The following PDZD2 variants were observed in gnomAD, a reference collection of about 807,000 sequenced individuals.
PDZD2 encodes the protein PDZ domain-containing protein 2.
Under a neutral mutation model 220.7 loss-of-function variants are expected in PDZD2, and 90 were observed. That is an observed-to-expected ratio of 0.41 (90% CI 0.34 to 0.49). The LOEUF (loss-of-function observed/expected upper bound fraction) is 0.49, where lower values mean the gene tolerates loss of function less well. Ranked by LOEUF, PDZD2 falls within the 20% of genes least tolerant of loss-of-function variation. The probability of loss-of-function intolerance (pLI) is 0.28; values close to 1 mark genes in which losing one functional copy is unlikely to be tolerated. For missense variants in PDZD2, 3,174 were observed against 3,608.5 expected, an observed-to-expected ratio of 0.88 and a Z score of 3.08; for synonymous variants, 1,375 against 1,450.5, an observed-to-expected ratio of 0.95 and a Z score of 1.18.
intron 1 of PDZD2, among the ~76,000 whole-genome samples, chr5:31,706,577 G>A (rs1392651765): frequency 2.6e-5 from 4 of 152,118 alleles, no homozygotes; most frequent in African/African-American, 9.7e-5. Flanking sequence ...CGGATGCAGT[G>A]GCTCACACCT....
chr5:31,817,068 C>A (rs563630125), intron 2 of PDZD2, among the ~76,000 whole-genome samples: 1 of 152,000 alleles, frequency 6.6e-6, no homozygotes, highest in Non-Finnish European at 1.5e-5. Context: ...TGCCTGTAGT[C>A]CCAGCTACTC....
At chr5:31,823,217 AG>A (rs1256436215) in intron 2 of PDZD2, 2 of 356,836 alleles carry the variant, frequency 5.6e-6, no homozygotes, top group Non-Finnish European at 1.1e-5. Flanking sequence ...CTGTAATCCC[AG>A]CACTTTGGGA....
At position 31,732,847 on chromosome 5, in the gene PDZD2, G is replaced by A. The variant is rs1315607987; in HGVS notation, c.-360-66042G>A. Among the ~76,000 whole-genome samples the A allele has an allele frequency of 2.0e-5, 3 of 152,224 alleles. No homozygotes were observed. In the East Asian group the frequency reaches 5.8e-4, roughly 29 times the overall value. ...AGGTTCAAGCAATTCTCCTGCCTTA[G>A]CCTCCTGAGGAGCTGGGATTACAGG... On this transcript the variant is annotated intron_variant, in intron 1 of 24. Transcript: ENST00000438447.
intron 2 of PDZD2, among the ~76,000 whole-genome samples, chr5:31,928,998 T>C (rs1180941693): frequency 6.6e-6 from 1 of 151,994 alleles, no homozygotes; most frequent in Non-Finnish European, 1.5e-5. Flanking sequence ...TGAAAGGAGA[T>C]TTAAGAGGGA....
At chr5:31,738,660 G>A (rs763017990) in intron 1 of PDZD2, 14 of 152,116 alleles carry the variant, frequency 9.2e-5, no homozygotes, top group Non-Finnish European at 1.6e-4. Context: ...AAACAATCAA[G>A]TGCATTTTTG....
Position 31,799,108 on chromosome 5 carries a change from T to A in PDZD2, c.-141T>A. 3.3e-6 allele frequency: 2 copies of A among 609,814 alleles called. No homozygotes were observed. The highest frequency in any genetic ancestry group is 5.8e-6 in the Non-Finnish European group (2 of 344,142). 37.8% of individuals were successfully genotyped at this position (609,814 alleles called of 1,614,324 possible). On this transcript the variant is annotated 5_prime_UTR_variant, in exon 2 of 25. Transcript: ENST00000438447. ...CAAACAGCATAGTCTCGAGTAGGTG[T>A]CCCTAGGCTCATCTGCCAGCCTGAA...
intron 1 of PDZD2, among the ~76,000 whole-genome samples, chr5:31,766,864 C>T (rs1355237260): frequency 1.3e-5 from 2 of 150,594 alleles, no homozygotes; most frequent in Non-Finnish European, 3.0e-5. Context: ...TGAGTAGCTG[C>T]AATTAAAGTG....
intron 5 of PDZD2, among the ~76,000 whole-genome samples, chr5:32,002,895 A>ACACACACACCC (rs1299444374): frequency 5.8e-4 from 1 of 1,726 alleles, no homozygotes; most frequent in African/African-American, 2.1e-3. Flanking sequence ...ACACACACCA[A>ACACACACACCC]CACACACCCC....
intron 2 of PDZD2, among the ~76,000 whole-genome samples, chr5:31,911,931 C>T (rs528055164): frequency 6.6e-6 from 1 of 152,040 alleles, no homozygotes; most frequent in Non-Finnish European, 1.5e-5. Context: ...GAAATAAGCT[C>T]ACACGCCTGC....
intron 1 of PDZD2, among the ~76,000 whole-genome samples, chr5:31,685,713 G>T (rs1052945905): frequency 6.6e-6 from 1 of 151,998 alleles, no homozygotes; most frequent in Non-Finnish European, 1.5e-5. Context: ...TTGTAAAAAC[G>T]AGGTTTCACC....
At chr5:32,093,462 G>A (rs1243106359) in intron 21 of PDZD2, among the ~76,000 whole-genome samples, 1 of 152,036 alleles carries the variant, frequency 6.6e-6, no homozygotes, top group Non-Finnish European at 1.5e-5. Flanking sequence ...AAATATGGTG[G>A]ACCCCTGAAC....
chr5:31,815,245 CAAA>C (rs59040987), intron 2 of PDZD2, among the ~76,000 whole-genome samples: 5 of 57,916 alleles, frequency 8.6e-5, no homozygotes, highest in Admixed American at 2.4e-4. Context: ...AACTCTGTCT[CAAA>C]AAAAAAAAAA....
intron 2 of PDZD2, among the ~76,000 whole-genome samples, chr5:31,853,383 C>G (rs377063311): frequency 1.3e-4 from 20 of 152,294 alleles, no homozygotes; most frequent in African/African-American, 4.8e-4. Flanking sequence ...AAATCTTATC[C>G]TGGGGTTCTG....
chr5:32,071,368 AT>A lies in PDZD2; in HGVS notation c.2534-12del. On this transcript the variant is annotated splice_polypyrimidine_tract_variant and intron_variant, in intron 15 of 24. Transcript: ENST00000438447. ...CTTTATTGTTTTGACAATATGGTGA[AT>A]TTTCCCTCCAACAGGTACCCCCTTG... 1 of 1,593,816 alleles carries A rather than the reference AT, an allele frequency of 6.3e-7. No homozygotes were observed. Among genetic ancestry groups the A allele is most frequent in the Non-Finnish European group, 8.6e-7 (1 of 1,161,534 alleles).
chr5:31,857,167 T>C (rs1359717011), intron 2 of PDZD2, among the ~76,000 whole-genome samples: 1 of 152,074 alleles, frequency 6.6e-6, no homozygotes, highest in Non-Finnish European at 1.5e-5. Flanking sequence ...TCCACTTCTG[T>C]GCCCCAGAGA....
At chr5:31,834,935 T>A (rs370355504) in intron 2 of PDZD2, among the ~76,000 whole-genome samples, 8 of 64,738 alleles carry the variant, frequency 1.2e-4, no homozygotes, top group African/African-American at 3.5e-4. Context: ...TAAAATCTCT[T>A]TATATATATG....
intron 2 of PDZD2, among the ~76,000 whole-genome samples, chr5:31,821,480 A>C (rs192835022): frequency 6.6e-6 from 1 of 152,052 alleles, no homozygotes; most frequent in East Asian, 1.9e-4. Context: ...TCCCAGGTTC[A>C]AGTGATTTTC....
At chr5:31,664,809 C>T (rs1745918357) in intron 1 of PDZD2, 1 of 152,324 alleles carries the variant, frequency 6.6e-6, no homozygotes, top group Non-Finnish European at 1.5e-5. Context: ...CAGATTCTCT[C>T]CATCTTGTGT....
Position 31,983,228 on chromosome 5 carries a change from C to A in PDZD2, c.550C>A (p.His184Asn), listed in dbSNP as rs1275890857. The A allele has an allele frequency of 6.2e-7, 1 of 1,614,138 alleles. No individual in the cohort carries two copies. The highest frequency in any genetic ancestry group is 1.3e-5 in the African/African-American group (1 of 75,048). ...GCTGCGTCGCTTTAAGCACAAAGCC[C>A]ACTCCACTTATAATGGCAACAGTAG... ...IMLRRFKHKA[H>N]STYNGNSSNS... The change falls in exon 3 of 25, where the codon CAC becomes AAC. Residue 184 changes from histidine to asparagine, a missense_variant. Physicochemically the swap from His to Asn is moderately conservative, Grantham distance 68. Around this residue, in one of 4 missense-constraint regions of PDZD2, gnomAD observed 632 missense variants for 708.1 expected, o/e 0.89. Transcript: ENST00000438447.
Sources: allele counts gnomAD v4.1 joint callset (sites outside exome capture counted in the v4.1 genomes callset), GRCh38; gene constraint gnomAD v4.1.1; regional missense constraint gnomAD v4.1.1; transcripts MANE v1.5; gene names NCBI Gene and HGNC (gene_info 2026-07-23, HGNC 2026-07-21).